RUNX1T1: variants seen among roughly 807,000 people sequenced by gnomAD.
The protein encoded by RUNX1T1 is RUNX1 partner transcriptional co-repressor 1, also known as protein CBFA2T1.
In RUNX1T1, 4 loss-of-function variants were observed where a neutral mutation model predicts 62.8. The observed-to-expected ratio is 0.06, with a 90% CI of 0.03 to 0.15. The LOEUF is 0.15. Ranked by LOEUF, RUNX1T1 falls within the 10% of genes least tolerant of loss-of-function variation. RUNX1T1 has a pLI of 1.00. For synonymous variants in RUNX1T1, 291 were observed against 286.0 expected (o/e 1.02, Z -0.18); for missense variants, 508 against 754.3 (o/e 0.67, Z 3.82).
At chr8:91,968,741 T>C (rs1233218942) in intron 10 of RUNX1T1, among the ~76,000 whole-genome samples, 1 of 152,204 alleles carries the variant, frequency 6.6e-6, no homozygotes, top group East Asian at 1.9e-4. Flanking sequence ...ACATAGGGAC[T>C]GAAAGCATGC....
chr8:92,088,481 T>G (rs1015889482), intron 1 of RUNX1T1, among the ~76,000 whole-genome samples: 1 of 152,218 alleles, frequency 6.6e-6, no homozygotes, highest in Non-Finnish European at 1.5e-5. Flanking sequence ...TGGGGATAAC[T>G]TCCTAATTTC....
intron 1 of RUNX1T1, among the ~76,000 whole-genome samples, chr8:92,037,028 G>A (rs1827549432): frequency 6.6e-6 from 1 of 152,166 alleles, no homozygotes; most frequent in Admixed American, 6.5e-5. Context: ...TTCATATAAT[G>A]GTGATGGGCT....
At chr8:92,070,673 C>T (rs1833537609) in intron 2 of RUNX1T1, among the ~76,000 whole-genome samples, 2 of 152,202 alleles carry the variant, frequency 1.3e-5, no homozygotes, top group Non-Finnish European at 1.5e-5. Context: ...CTGCAAAGCC[C>T]AATCTCTATT....
upstream of RUNX1T1, chr8:92,099,829 T>C (rs934511943): frequency 5.7e-6 from 1 of 176,210 alleles, no homozygotes; most frequent in African/African-American, 2.4e-5. Flanking sequence ...CATTTCTTTC[T>C]TGTGATCCTT....
chr8:92,039,254 G>A (rs767017670), intron 1 of RUNX1T1, among the ~76,000 whole-genome samples: 7 of 150,156 alleles, frequency 4.7e-5, no homozygotes, highest in African/African-American at 1.2e-4. Context: ...TGATCCAACC[G>A]CCTTGGTCTC....
At chr8:91,962,010 G>A (rs770974310) in intron 10 of RUNX1T1, among the ~76,000 whole-genome samples, 8 of 152,162 alleles carry the variant, frequency 5.3e-5, no homozygotes, top group Non-Finnish European at 7.3e-5. Flanking sequence ...ATGAGCTGCT[G>A]ACAATACTAT....
In RUNX1T1 at chr8:92,099,601, G is replaced by GC. The variant is rs1837948121; in HGVS notation, c.-108dup. 7 of 984,626 alleles carry GC rather than the reference G, an allele frequency of 7.1e-6. No homozygotes were observed. In the South Asian group the frequency reaches 3.3e-4, roughly 46 times the overall value. 61.0% of individuals were successfully genotyped at this position (984,626 alleles called of 1,614,324 possible). On this transcript the variant is annotated 5_prime_UTR_variant, in exon 1 of 12. Transcript: ENST00000265814. ...TTACAGTAATAGACTCCGGCAAAATGCAACTGACTCCGTTTTTTTCACATG... is the reference window on the plus strand; with the variant it reads ...TTACAGTAATAGACTCCGGCAAAATGCCAACTGACTCCGTTTTTTTCACATG...
intron 5 of RUNX1T1, among the ~76,000 whole-genome samples, chr8:91,996,935 G>A (rs1044782191): frequency 3.3e-5 from 5 of 149,648 alleles, no homozygotes; most frequent in African/African-American, 9.9e-5. Flanking sequence ...CAGCCTGGCC[G>A]ACATGGTGAA....
At chr8:91,965,756 C>T (rs1258282109) in intron 10 of RUNX1T1, among the ~76,000 whole-genome samples, 3 of 152,144 alleles carry the variant, frequency 2.0e-5, no homozygotes, top group African/African-American at 7.2e-5. Context: ...ACCCCACAGA[C>T]TACTTCTGTG....
chr8:91,999,973 C>T (rs1466185824), intron 5 of RUNX1T1, among the ~76,000 whole-genome samples: 1 of 152,094 alleles, frequency 6.6e-6, no homozygotes, highest in East Asian at 1.9e-4. Context: ...GTGGAGAGAA[C>T]AAAATGCCCC....
chr8:92,004,967 G>C (rs1820461857), intron 5 of RUNX1T1, 149 bp downstream of exon 6: 4 of 684,842 alleles, frequency 5.8e-6, no homozygotes, highest in Non-Finnish European at 9.5e-6. Flanking sequence ...TCCCAGGCCA[G>C]AGCCAGATTC....
chr8:92,014,612 T>A, exon 3 of RUNX1T1: 1 of 1,612,712 alleles, frequency 6.2e-7, no homozygotes, highest in Non-Finnish European at 8.5e-7. Context: ...GAACTCTTTC[T>A]CCTATCTCGG....
chr8:91,959,812 A>G lies in RUNX1T1; in HGVS notation c.*430T>C, dbSNP rs1249412224. 13 of 240,116 alleles carry G rather than the reference A, an allele frequency of 5.4e-5. No homozygotes were observed. In the South Asian group the frequency reaches 1.5e-3, roughly 28 times the overall value. The allele number at this position is 240,116 out of a possible 1,614,324, so 14.9% of individuals were successfully genotyped here. A position where few individuals can be genotyped will look rare whatever the true frequency, so the allele number is the denominator to read the frequency against. ...TTTTCCTCTTTTTTTTTTTTCCATTATTGTATATAAAGAACATTGTGACTT... is the reference window on the plus strand; with the variant it reads ...TTTTCCTCTTTTTTTTTTTTCCATTGTTGTATATAAAGAACATTGTGACTT... On this transcript the variant is annotated 3_prime_UTR_variant, in exon 11 of 11. Coordinates refer to ENST00000396218, the Ensembl canonical transcript of RUNX1T1.
chr8:92,033,980 A>AT (rs150021368), intron 1 of RUNX1T1, among the ~76,000 whole-genome samples: 9 of 150,886 alleles, frequency 6.0e-5, no homozygotes, highest in Non-Finnish European at 3.0e-5. Flanking sequence ...AAAAAAAAAA[A>AT]TTTTTTTTTT....
At chr8:92,102,294 T>C (rs1586048860), upstream of RUNX1T1, among the ~76,000 whole-genome samples, 1 of 152,044 alleles carries the variant, frequency 6.6e-6, no homozygotes, top group Admixed American at 6.5e-5. The surrounding 1 kb of genome is among the most constrained non-coding windows in gnomAD (Gnocchi z 4.5). Flanking sequence ...AGCGCCTGGG[T>C]ACCTCTAAGC....
At chr8:92,032,694 A>T (rs181689902) in intron 1 of RUNX1T1, among the ~76,000 whole-genome samples, 1 of 152,280 alleles carries the variant, frequency 6.6e-6, no homozygotes, top group Admixed American at 6.5e-5. Context: ...AAGGAAGATC[A>T]CTTGGGCCCA....
chr8:92,003,288 T>G (rs754116789), intron 5 of RUNX1T1: 43 of 448,878 alleles, frequency 9.6e-5, no homozygotes. Context: ...GTTAACATAC[T>G]GCCCAGCACT....
At chr8:92,068,513 C>T (rs144320251) in intron 2 of RUNX1T1, among the ~76,000 whole-genome samples, 3 of 152,142 alleles carry the variant, frequency 2.0e-5, no homozygotes, top group East Asian at 1.9e-4. Flanking sequence ...TCGGAGGGCT[C>T]GAGAGCTCTG....
At chr8:91,981,142 A>T (rs969053193) in intron 8 of RUNX1T1, among the ~76,000 whole-genome samples, 9 of 152,166 alleles carry the variant, frequency 5.9e-5, no homozygotes, top group Admixed American at 5.9e-4. Flanking sequence ...AAGCACAAAG[A>T]GATTATGACC....
Sources: gnomAD v4.1 joint callset for allele counts (sites outside exome capture counted in the v4.1 genomes callset) on GRCh38, gnomAD v4.1.1 for gene constraint, Gnocchi (gnomAD v3.1) non-coding constraint, MANE v1.5 for transcripts, NCBI Gene and HGNC (gene_info 2026-07-23, HGNC 2026-07-21) for gene names.